The following GPR180 variants were observed in gnomAD, a reference collection of about 807,000 sequenced individuals.
The protein encoded by GPR180 is integral membrane protein GPR180.
GPR180 carries 53 observed loss-of-function variants against 52.6 expected under a neutral mutation model. The ratio of observed to expected loss-of-function variants is 1.01; its 90% confidence interval spans 0.81 to 1.27. The LOEUF is 1.27. Among genes scored for constraint, GPR180 ranks in the 50% most tolerant of loss-of-function variants. GPR180 has a pLI of 0.00. For missense variants in GPR180, 533 were observed against 527.0 expected (o/e 1.01, Z -0.11); for synonymous variants, 200 against 193.1 (o/e 1.04, Z -0.30).
In GPR180 at chr13:94,605,393, G is replaced by T; in HGVS notation, c.148G>T (p.Asp50Tyr). ...ATGATTTTTGTTTTAATGTCAAGGT[G>T]ACCATGCTCTTCTGTGTGTCAGAAT... ...QRIGHFEFHG[D>Y]HALLCVRINN... The change falls in exon 2 of 9, where the codon GAC (aspartate) becomes TAC (tyrosine). Residue 50 changes from aspartate to tyrosine, a missense_variant and splice_region_variant. By Grantham distance (160) the Asp-to-Tyr change is radical. Coordinates refer to ENST00000376958, the MANE Select transcript of GPR180 (RefSeq NM_180989.6). 1 of 1,613,828 alleles carries T rather than the reference G, an allele frequency of 6.2e-7. No individual in the cohort carries two copies. The highest frequency in any genetic ancestry group is 1.1e-5 in the South Asian group (1 of 90,994).
At position 94,625,951 on chromosome 13, in the gene GPR180, T is replaced by A. The variant is rs754419171; in HGVS notation, c.1087-15T>A. ...CTACACAGTTCTACTTATTTCACTT[T>A]TTCCTTTGTTTCAGGGCTGTATCTT... On this transcript the variant is annotated splice_polypyrimidine_tract_variant and intron_variant, in intron 7 of 8. Coordinates refer to ENST00000376958, the MANE Select transcript of GPR180 (RefSeq NM_180989.6). The A allele has an allele frequency of 7.5e-6, 12 of 1,603,962 alleles. No individual in the cohort carries two copies. The highest frequency in any genetic ancestry group is 1.1e-5 in the South Asian group (1 of 90,196).
Position 94,612,235 on chromosome 13 carries a change from C to G in GPR180, c.350C>G (p.Pro117Arg), listed in dbSNP as rs778593410. 6.2e-7 allele frequency: 1 copy of G among 1,614,014 alleles called. No homozygotes were observed. Among genetic ancestry groups the G allele is most frequent in the East Asian group, 2.2e-5 (1 of 44,876 alleles). Residue 117 changes from proline to arginine, a missense_variant, in exon 3 of 9, where the codon CCG (proline) becomes CGG (arginine). By Grantham distance (103) the Pro-to-Arg change is moderately radical (BLOSUM62 -2). Transcript: ENST00000376958. ...CATAATCTGACAGTGTCCCAGATTCCGTCTCCACAAACGTGGCATGTGTTT... is the reference window on the plus strand; with the variant it reads ...CATAATCTGACAGTGTCCCAGATTCGGTCTCCACAAACGTGGCATGTGTTT... ...TEHNLTVSQI[P>R]SPQTWHVFYA... is the part of the protein sequence containing the mutation.
chr13:94,607,309 T>C (rs115071646), intron 2 of GPR180, among the ~76,000 whole-genome samples: 1,850 of 152,298 alleles, frequency 0.012, 40 homozygotes, highest in African/African-American at 0.042. Flanking sequence ...GCAGATTTGG[T>C]CATGTTACAT....
At chr13:94,614,873 G>T (rs986104795) in intron 3 of GPR180, among the ~76,000 whole-genome samples, 1 of 152,186 alleles carries the variant, frequency 6.6e-6, no homozygotes, top group African/African-American at 2.4e-5. Context: ...TACCTTCGGG[G>T]ATTAATCATT....
chr13:94,617,459 T>C (rs970159201), intron 3 of GPR180, among the ~76,000 whole-genome samples: 1 of 152,180 alleles, frequency 6.6e-6, no homozygotes, highest in Admixed American at 6.5e-5. Context: ...TGCTTTTCTA[T>C]GTAAGGTGTT....
intron 2 of GPR180, 96 bp from the exon 3 acceptor site, chr13:94,612,094 T>G (rs1423123603): frequency 1.1e-6 from 1 of 925,810 alleles, no homozygotes; most frequent in Non-Finnish European, 1.7e-6. Flanking sequence ...CAATAAAAAT[T>G]AAAAGATTGT....
rs1889873548 is a variant in GPR180 at position 94,623,110 on chromosome 13, G to C, written c.896G>C (p.Ser299Thr). 6.2e-7 allele frequency: 1 copy of C among 1,603,566 alleles called. No individual in the cohort carries two copies. Among genetic ancestry groups the C allele is most frequent in the African/African-American group, 1.3e-5 (1 of 74,654 alleles). ...GIAVFIVMTQ[S>T]VLLLWEQFED... Reference sequence around the variant, plus strand: ...TGTAATATTGTTTTTCTTTTGCAGAGTGTTTTGCTACTTTGGGAACAGTTT... The same window carrying C: ...TGTAATATTGTTTTTCTTTTGCAGACTGTTTTGCTACTTTGGGAACAGTTT... The change falls in exon 7 of 9, where the codon AGT becomes ACT. Residue 299 changes from serine (S) to threonine (T), a missense_variant and splice_region_variant. By Grantham distance (58) the Ser-to-Thr change is moderately conservative. Coordinates refer to ENST00000376958, the MANE Select transcript of GPR180 (RefSeq NM_180989.6).
intron 2 of GPR180, 35 bp downstream of exon 2, chr13:94,605,584 T>C (rs547176556): frequency 4.4e-6 from 7 of 1,573,618 alleles, no homozygotes; most frequent in East Asian, 2.3e-5. Flanking sequence ...TCATTAGATA[T>C]AGTTTTTTTC....
At chr13:94,611,682 C>A (rs1460822861) in intron 2 of GPR180, among the ~76,000 whole-genome samples, 1 of 151,938 alleles carries the variant, frequency 6.6e-6, no homozygotes, top group Non-Finnish European at 1.5e-5. Flanking sequence ...CCCACTCAGC[C>A]CCTACACCAA....
chr13:94,625,004 G>C (rs1889908338), intron 7 of GPR180, among the ~76,000 whole-genome samples: 1 of 151,092 alleles, frequency 6.6e-6, no homozygotes, highest in Non-Finnish European at 1.5e-5. Flanking sequence ...AGTAGAGATG[G>C]GGTTTCTCCA....
chr13:94,611,172 CTG>C (rs571836570), intron 2 of GPR180, among the ~76,000 whole-genome samples: 12 of 152,298 alleles, frequency 7.9e-5, no homozygotes, highest in African/African-American at 2.9e-4. Context: ...CCACCCCTGA[CTG>C]TATCATACTA....
rs1185687499 is a variant in GPR180, at chr13:94,630,292, A to G, written c.*3121A>G. The G allele has an allele frequency of 6.6e-6, 1 of 152,234 alleles. No homozygotes were observed. Among genetic ancestry groups the G allele is most frequent in the Non-Finnish European group, 1.5e-5 (1 of 68,048 alleles). 9.4% of individuals were successfully genotyped at this position (152,234 alleles called of 1,614,324 possible). ...GGCATCATATGTGTTGTGCTGTAGGAGTGCCATGAAGCCTGGAGGTGAGGA... is the reference window on the plus strand; with the variant it reads ...GGCATCATATGTGTTGTGCTGTAGGGGTGCCATGAAGCCTGGAGGTGAGGA... On this transcript the variant is annotated 3_prime_UTR_variant, in exon 9 of 9. Transcript: ENST00000376958.
Position 94,632,223 on chromosome 13 carries a change from T to G in GPR180, c.*5052T>G, listed in dbSNP as rs979148834. The G allele has an allele frequency of 5.9e-5, 9 of 152,218 alleles. No homozygotes were observed. The highest frequency in any genetic ancestry group is 2.2e-4 in the African/African-American group (9 of 41,454). The allele number at this position is 152,218 out of a possible 1,614,324, so 9.4% of individuals were successfully genotyped here. On this transcript the variant is annotated 3_prime_UTR_variant, in exon 9 of 9. Coordinates refer to ENST00000376958, the MANE Select transcript of GPR180 (RefSeq NM_180989.6). The stretch of plus-strand genomic sequence containing the variant: ...ATGCGAAAACCTTCTAATGTTTTCT[T>G]CTTGTTAAACAGGTAATATATGCAC...
rs757521080 is a variant in GPR180, at chr13:94,633,531, A to G, written c.*6360A>G. ...CTTTCCAGTTCTACGATCTGTTAAC[A>G]TATTTTTCCCACTTTTCTATTGGGT... is the stretch of plus-strand genomic sequence containing the variant. On this transcript the variant is annotated 3_prime_UTR_variant, in exon 9 of 9. Coordinates refer to ENST00000376958, the MANE Select transcript of GPR180 (RefSeq NM_180989.6). 6.6e-6 allele frequency: 1 copy of G among 151,974 alleles called. No homozygotes were observed. 9.4% of individuals were successfully genotyped at this position (151,974 alleles called of 1,614,324 possible).
intron 1 of GPR180, among the ~76,000 whole-genome samples, chr13:94,603,727 A>T (rs1259097915): frequency 6.6e-6 from 1 of 152,166 alleles, no homozygotes; most frequent in African/African-American, 2.4e-5. Flanking sequence ...AGTGGTAATT[A>T]TAGTAATAAA....
At position 94,602,048 on chromosome 13, in the gene GPR180, C is replaced by A. The variant is rs1328387116; in HGVS notation, c.121C>A (p.Arg41Ser). 7.0e-7 allele frequency: 1 copy of A among 1,425,980 alleles called. No individual in the cohort carries two copies. The highest frequency in any genetic ancestry group is 9.2e-7 in the Non-Finnish European group (1 of 1,087,088). 88.3% of individuals were successfully genotyped at this position (1,425,980 alleles called of 1,614,324 possible). A position where few individuals can be genotyped will look rare whatever the true frequency, so the allele number is the denominator to read the frequency against. The change falls in exon 1 of 9, where the codon CGC (arginine) becomes AGC (serine). Residue 41 changes from arginine to serine, a missense_variant. Arg to Ser is a moderately radical substitution (Grantham distance 110, BLOSUM62 -1). Transcript: ENST00000376958. ...STAAQDAQGQRIGHFEFHGDH... is the reference protein window; with the variant it reads ...STAAQDAQGQSIGHFEFHGDH... The stretch of plus-strand genomic sequence containing the variant: ...CGCGGCCCAGGACGCCCAGGGCCAG[C>A]GCATCGGCCACTTCGAGTTCCATGG...
chr13:94,611,159 C>G (rs567828783), intron 2 of GPR180, among the ~76,000 whole-genome samples: 6 of 151,940 alleles, frequency 3.9e-5, no homozygotes, highest in African/African-American at 1.5e-4. Context: ...TGCCACACAC[C>G]CCCCACCCCT....
intron 3 of GPR180, among the ~76,000 whole-genome samples, chr13:94,612,877 CT>C (rs139611564): frequency 0.35 from 52,474 of 151,800 alleles, 10,578 homozygotes; most frequent in African/African-American, 0.55. Flanking sequence ...TCTGTACTAG[CT>C]TGTTTGAACA....
rs1184787797 is a variant in GPR180 at position 94,631,969 on chromosome 13, G to T, written c.*4798G>T. ...GAAGTTTCTAGTCAGCTAGAGGAGG[G>T]AATGTTGACAGTAGTCAGAAGCAGC... On this transcript the variant is annotated 3_prime_UTR_variant, in exon 9 of 9. Transcript: ENST00000376958. 6.6e-6 allele frequency: 1 copy of T among 152,174 alleles called. No individual in the cohort carries two copies. Among genetic ancestry groups the T allele is most frequent in the Non-Finnish European group, 1.5e-5 (1 of 68,062 alleles). 9.4% of individuals were successfully genotyped at this position (152,174 alleles called of 1,614,324 possible). A position where few individuals can be genotyped will look rare whatever the true frequency, so the allele number is the denominator to read the frequency against.
Sources: allele counts gnomAD v4.1 joint callset (sites outside exome capture counted in the v4.1 genomes callset), GRCh38; gene constraint gnomAD v4.1.1; transcripts MANE v1.5; gene names NCBI Gene and HGNC (gene_info 2026-07-23, HGNC 2026-07-21).